Variants in FAM193B observed in about 807,000 individuals in gnomAD.
FAM193B encodes the protein family with sequence similarity 193 member B.
FAM193B carries 27 observed loss-of-function variants against 70.7 expected under a neutral mutation model. The observed-to-expected ratio is 0.38, with a 90% confidence interval of 0.28 to 0.53. The LOEUF (loss-of-function observed/expected upper bound fraction) is 0.53. Among genes scored for constraint, FAM193B ranks in the 20% least tolerant of loss-of-function variants. FAM193B has a pLI of 0.81. For synonymous variants in FAM193B, 448 were observed against 436.0 expected (o/e 1.03, Z -0.34); for missense variants, 1,022 against 1,072.5 (o/e 0.95, Z 0.66).
chr5:177,533,328 G>A (rs1189918993), intron 4 of FAM193B, among the ~76,000 whole-genome samples: 3 of 149,738 alleles, frequency 2.0e-5, no homozygotes, highest in African/African-American at 4.9e-5. Flanking sequence ...TTTTTGAGAC[G>A]GAGTCTTGCT....
chr5:177,523,577 T>C (rs1762106101), intron 7 of FAM193B, among the ~76,000 whole-genome samples: 1 of 152,156 alleles, frequency 6.6e-6, no homozygotes, highest in Non-Finnish European at 1.5e-5. Flanking sequence ...CCTCCCCAAC[T>C]CTATGCCATT....
In FAM193B at chr5:177,532,989, A is replaced by G. The variant is rs894062887; in HGVS notation, c.1077-348T>C. On this transcript the variant is annotated intron_variant, in intron 4 of 8. Transcript: ENST00000514747. The surrounding 1 kb of genome is among the most constrained non-coding windows in gnomAD (Gnocchi z 4.9). The stretch of plus-strand genomic sequence containing the variant: ...TTTGCGCATTTGTCTCTCAAACTGG[A>G]CTGCACGCCTCAAGGGCAGGGGCTG... 3.3e-5 allele frequency among the ~76,000 whole-genome samples: 5 copies of G among 152,306 alleles called. No individual in the cohort carries two copies. Among genetic ancestry groups the G allele is most frequent in the African/African-American group, 1.2e-4 (5 of 41,554 alleles).
At chr5:177,527,688 A>G (rs928617963) in intron 5 of FAM193B, among the ~76,000 whole-genome samples, 2 of 152,324 alleles carry the variant, frequency 1.3e-5, no homozygotes, top group Admixed American at 6.5e-5. Flanking sequence ...GATTTGCCCA[A>G]TGTCATACAG....
At chr5:177,543,243 G>C (rs913450748) in intron 1 of FAM193B, among the ~76,000 whole-genome samples, 1 of 152,176 alleles carries the variant, frequency 6.6e-6, no homozygotes, top group Non-Finnish European at 1.5e-5. Flanking sequence ...AAGAAACACA[G>C]GGCCTGAAAA....
In FAM193B at chr5:177,539,155, A is replaced by G. The variant is rs1304081523; in HGVS notation, c.211-8T>C. ...GCTGGAGGCGGGGGGGACCTGTCCA[A>G]CAGACAGAAACAGGGTTTCCCAGGA... On this transcript the variant is annotated splice_polypyrimidine_tract_variant and splice_region_variant and intron_variant, in intron 1 of 8. Transcript: ENST00000514747. 6.5e-7 allele frequency: 1 copy of G among 1,543,942 alleles called. No individual in the cohort carries two copies. Among genetic ancestry groups the G allele is most frequent in the South Asian group, 1.2e-5 (1 of 85,522 alleles).
At chr5:177,531,935 C>G in intron 5 of FAM193B, 1 of 1,250,246 alleles carries the variant, frequency 8.0e-7, no homozygotes, top group Non-Finnish European at 1.0e-6. Context: ...CCCTAACCAG[C>G]GGCCCTCTCC....
intron 4 of FAM193B, among the ~76,000 whole-genome samples, chr5:177,536,134 A>C (rs1764134734): frequency 6.6e-6 from 1 of 152,048 alleles, no homozygotes; most frequent in African/African-American, 2.4e-5. Context: ...GCTGGTCTCA[A>C]ACTCCTAGGC....
chr5:177,524,508 C>T lies in FAM193B; in HGVS notation c.1973G>A (p.Ser658Asn), dbSNP rs1212747827. The T allele has an allele frequency of 3.1e-6, 5 of 1,612,956 alleles. No individual in the cohort carries two copies. The highest frequency in any genetic ancestry group is 4.2e-6 in the Non-Finnish European group (5 of 1,179,724). Residue 658 changes from serine (S) to asparagine (N), a missense_variant, in exon 6 of 9, where the codon AGC becomes AAC. Ser to Asn is a conservative substitution (Grantham distance 46). Coordinates refer to ENST00000514747, the MANE Select transcript of FAM193B (RefSeq NM_001190946.3). ...EASPAPRPPA[S>N]LEVPSAKGQV... ...GCCCTTGGCACTGGGAACCTCTAGGCTGGCTGGGGGCCGGGGGGCTGGGCT... is the reference window on the plus strand; with the variant it reads ...GCCCTTGGCACTGGGAACCTCTAGGTTGGCTGGGGGCCGGGGGGCTGGGCT...
intron 1 of FAM193B, chr5:177,553,064 G>A (rs1257288920): frequency 1.0e-5 from 5 of 480,916 alleles, no homozygotes; most frequent in Non-Finnish European, 1.4e-5. Context: ...AGTGCTACCA[G>A]AGGGAGGCAC....
rs879166434 is a variant in FAM193B at position 177,534,031 on chromosome 5, C to T, written c.1077-1390G>A. Among the ~76,000 whole-genome samples the T allele has an allele frequency of 4.6e-5, 7 of 152,326 alleles. No homozygotes were observed. In the South Asian group the frequency reaches 1.4e-3, roughly 32 times the overall value. ...CTGAAGCCTTAGGCTGGGCCATGAG[C>T]AGCTGAAGCACCCATTGGGCTGGTC... On this transcript the variant is annotated intron_variant, in intron 4 of 8. Coordinates refer to ENST00000514747, the MANE Select transcript of FAM193B (RefSeq NM_001190946.3).
intron 1 of FAM193B, among the ~76,000 whole-genome samples, chr5:177,550,390 G>A (rs1766051580): frequency 6.6e-6 from 1 of 152,128 alleles, no homozygotes; most frequent in South Asian, 2.1e-4. Context: ...CCCAAATAAA[G>A]GTCCTGGCAC....
Position 177,522,081 on chromosome 5 carries a change from T to A in FAM193B, c.2373-10A>T. ...AGAATCCAAACAGAACCTGTTGGGTTTGGGGGACACATGAGAAGCACAATC... is the reference window on the plus strand; with the variant it reads ...AGAATCCAAACAGAACCTGTTGGGTATGGGGGACACATGAGAAGCACAATC... On this transcript the variant is annotated splice_polypyrimidine_tract_variant and intron_variant, in intron 7 of 8. Coordinates refer to ENST00000514747, the MANE Select transcript of FAM193B (RefSeq NM_001190946.3). The A allele has an allele frequency of 6.2e-7, 1 of 1,612,074 alleles. No individual in the cohort carries two copies.
Position 177,532,152 on chromosome 5 carries a change from A to G in FAM193B, c.1275+291T>C. 7.1e-7 allele frequency: 1 copy of G among 1,415,918 alleles called. No individual in the cohort carries two copies. Among genetic ancestry groups the G allele is most frequent in the Non-Finnish European group, 9.3e-7 (1 of 1,071,114 alleles). The allele number at this position is 1,415,918 out of a possible 1,614,324, so 87.7% of individuals were successfully genotyped here. A position where few individuals can be genotyped will look rare whatever the true frequency, so the allele number is the denominator to read the frequency against. On this transcript the variant is annotated intron_variant, in intron 5 of 8. Coordinates refer to ENST00000514747, the MANE Select transcript of FAM193B (RefSeq NM_001190946.3). The surrounding 1 kb of genome is among the most constrained non-coding windows in gnomAD (Gnocchi z 4.9). ...CTTCTCTGGGATTACACACGTATAC[A>G]TACTCATCAGAATCATAGCTTTCTC...
chr5:177,553,569 TC>T, intron 1 of FAM193B: 2 of 1,163,782 alleles, frequency 1.7e-6, no homozygotes, highest in Non-Finnish European at 2.2e-6. Flanking sequence ...TGGGGAATCC[TC>T]CTACTGTTCG....
In FAM193B at chr5:177,524,777, T is replaced by C. The variant is rs1355162531; in HGVS notation, c.1704A>G (p.Thr568=). The change falls in exon 6 of 9, where the codon ACA becomes ACG. Residue 568 remains threonine, a synonymous_variant. Coordinates refer to ENST00000514747, the MANE Select transcript of FAM193B (RefSeq NM_001190946.3). ...TACCGGGAGGGGGCCCCCTCACCTCTGTCCATGGTGGGTGGGGGCCTCTCA... is the reference window on the plus strand; with the variant it reads ...TACCGGGAGGGGGCCCCCTCACCTCCGTCCATGGTGGGTGGGGGCCTCTCA... The part of the protein sequence containing the change: ...AEMRGPHPPW[T]EVRGPPPGIV... 3.3e-6 allele frequency: 5 copies of C among 1,518,214 alleles called. No individual in the cohort carries two copies. The South Asian group carries it at 5.3e-5, about 16-fold the overall frequency. The allele number at this position is 1,518,214 out of a possible 1,614,324, so 94.0% of individuals were successfully genotyped here.
At position 177,524,014 on chromosome 5, in the gene FAM193B, T is replaced by C. The variant is rs762882741; in HGVS notation, c.2315A>G (p.Lys772Arg). Reference protein sequence around the residue: ...ASSLDDVFLPKDMDGVEMDET... With the variant: ...ASSLDDVFLPRDMDGVEMDET... ...ATCCATCTCCACCCCGTCCATGTCC[T>C]TGGGCAGGAACACATCGTCTAGGAA... Residue 772 changes from lysine to arginine, a missense_variant, in exon 7 of 9, where the codon AAG (lysine) becomes AGG (arginine). By Grantham distance (26) the Lys-to-Arg change is conservative. Coordinates refer to ENST00000514747, the MANE Select transcript of FAM193B (RefSeq NM_001190946.3). 3.1e-6 allele frequency: 5 copies of C among 1,614,034 alleles called. No individual in the cohort carries two copies. Among genetic ancestry groups the C allele is most frequent in the African/African-American group, 2.7e-5 (2 of 75,052 alleles).
Position 177,524,294 on chromosome 5 carries a change from C to T in FAM193B, c.2187G>A (p.Glu729=), listed in dbSNP as rs772288675. ...GGCCTGAGGGCTGCACAGACTCCTGCTCCTGAGGCCGTGCCTTGGCCTCGC... is the reference window on the plus strand; with the variant it reads ...GGCCTGAGGGCTGCACAGACTCCTGTTCCTGAGGCCGTGCCTTGGCCTCGC... ...WPGEAKARPQ[E]QESVQPSGPA... The change falls in exon 6 of 9, where the codon GAG becomes GAA. Residue 729 remains glutamate, a synonymous_variant. Transcript: ENST00000514747. The T allele has an allele frequency of 2.5e-6, 4 of 1,585,264 alleles. No individual in the cohort carries two copies. In the South Asian group the frequency reaches 3.4e-5, roughly 14 times the overall value.
At chr5:177,550,225 G>A (rs963679829) in intron 1 of FAM193B, among the ~76,000 whole-genome samples, 2 of 152,130 alleles carry the variant, frequency 1.3e-5, no homozygotes, top group African/African-American at 4.8e-5. Flanking sequence ...TTTATATAGT[G>A]AGTCTCTACT....
chr5:177,526,560 G>C (rs982263120), intron 5 of FAM193B, among the ~76,000 whole-genome samples: 2 of 152,182 alleles, frequency 1.3e-5, no homozygotes, highest in African/African-American at 4.8e-5. Context: ...ACAACTGCTG[G>C]TGTGGAGGGA....
Sources: gnomAD v4.1 joint callset for allele counts (sites outside exome capture counted in the v4.1 genomes callset) on GRCh38, gnomAD v4.1.1 for gene constraint, Gnocchi (gnomAD v3.1) non-coding constraint, MANE v1.5 for transcripts, NCBI Gene and HGNC (gene_info 2026-07-23, HGNC 2026-07-21) for gene names.